Variants in GOLGA7 observed in about 807,000 individuals in gnomAD.
The protein encoded by GOLGA7 is golgin A7, also known as golgin subfamily A member 7.
GOLGA7 carries 10 observed loss-of-function variants against 21.1 expected under a neutral mutation model. That is an observed-to-expected ratio of 0.47 (90% CI 0.29 to 0.80). The LOEUF (loss-of-function observed/expected upper bound fraction) is 0.80, where lower values mean the gene tolerates loss of function less well. Among genes scored for constraint, GOLGA7 ranks in the 30% least tolerant of loss-of-function variants. The pLI is 0.08. For synonymous variants in GOLGA7, 64 were observed against 62.6 expected (o/e 1.02, Z -0.10); for missense variants, 114 against 166.8 (o/e 0.68, Z 1.74).
chr8:41,490,997 G>A (rs752984532), intron 1 of GOLGA7, 32 bp downstream of exon 1: 3 of 1,233,446 alleles, frequency 2.4e-6, no homozygotes, highest in South Asian at 2.6e-5. Flanking sequence ...GCCTGCTCTG[G>A]CGAGGGAGAG....
intron 1 of GOLGA7, among the ~76,000 whole-genome samples, chr8:41,495,654 G>GAA (rs763423574): frequency 1.5e-5 from 2 of 130,526 alleles, no homozygotes; most frequent in African/African-American, 5.7e-5. Flanking sequence ...CAGGAAAGGA[G>GAA]AAAAAAAAAA....
At chr8:41,504,401 C>T (rs1055098180) in intron 2 of GOLGA7, among the ~76,000 whole-genome samples, 16 of 152,000 alleles carry the variant, frequency 1.1e-4, no homozygotes, top group African/African-American at 3.6e-4. Context: ...GATTGAGAGG[C>T]CTTAGTTGGG....
Position 41,490,925 on chromosome 8 carries a change from G to A in GOLGA7, c.71G>A (p.Cys24Tyr). ...IQRDYSSGTR[C>Y]QFQTKFPAEL... The stretch of plus-strand genomic sequence containing the variant: ...CGAGACTACAGCAGTGGCACACGCT[G>A]CCAGTTCCAGACCAAGTTCCCTGCG... Residue 24 changes from cysteine to tyrosine, a missense_variant, in exon 1 of 5, where the codon TGC (cysteine) becomes TAC (tyrosine). Cys to Tyr is a radical substitution (Grantham distance 194). Transcript: ENST00000357743. 6.3e-7 allele frequency: 1 copy of A among 1,597,944 alleles called. No individual in the cohort carries two copies. Among genetic ancestry groups the A allele is most frequent in the Non-Finnish European group, 8.5e-7 (1 of 1,171,252 alleles).
intron 1 of GOLGA7, among the ~76,000 whole-genome samples, chr8:41,492,363 A>T (rs1805903325): frequency 6.6e-6 from 1 of 152,252 alleles, no homozygotes. Context: ...TTACATGTTA[A>T]GATTGACATG....
intron 2 of GOLGA7, among the ~76,000 whole-genome samples, chr8:41,504,222 C>A: frequency 6.6e-6 from 1 of 151,586 alleles, no homozygotes; most frequent in South Asian, 2.1e-4. Context: ...TTGCTCGTAA[C>A]CTGTACTCGG....
At chr8:41,508,189 G>A (rs17657196) in intron 4 of GOLGA7, among the ~76,000 whole-genome samples, 19,473 of 152,232 alleles carry the variant, frequency 0.13, 1,291 homozygotes, top group Non-Finnish European at 0.14. Context: ...ACTTGCAGCA[G>A]CAGGAACATG....
rs1806387729 is a variant in GOLGA7 at position 41,510,189 on chromosome 8, A to G, written c.*621A>G. 1 of 152,628 alleles carries G rather than the reference A, an allele frequency of 6.6e-6. No homozygotes were observed. Among genetic ancestry groups the G allele is most frequent in the South Asian group, 2.1e-4 (1 of 4,830 alleles). 9.5% of individuals were successfully genotyped at this position (152,628 alleles called of 1,614,324 possible). A position where few individuals can be genotyped will look rare whatever the true frequency, so the allele number is the denominator to read the frequency against. On this transcript the variant is annotated 3_prime_UTR_variant, in exon 5 of 5. Coordinates refer to ENST00000357743, the MANE Select transcript of GOLGA7 (RefSeq NM_001002296.2). Reference sequence around the variant, plus strand: ...AATGTATAATGTTATTTGTTTTATTATAGCAATTATGCCTAATTAAAGCAG... The same window carrying G: ...AATGTATAATGTTATTTGTTTTATTGTAGCAATTATGCCTAATTAAAGCAG...
intron 3 of GOLGA7, among the ~76,000 whole-genome samples, chr8:41,506,531 T>C (rs1806291141): frequency 6.6e-6 from 1 of 152,136 alleles, no homozygotes; most frequent in Non-Finnish European, 1.5e-5. Flanking sequence ...TAAATAAAAT[T>C]GCAAAAAACT....
intron 3 of GOLGA7, 53 bp downstream of exon 3, chr8:41,506,065 TGA>T: frequency 1.1e-6 from 1 of 917,002 alleles, no homozygotes; most frequent in South Asian, 1.5e-5. Flanking sequence ...AAGAAAATGT[TGA>T]TATTGTTTGG....
At chr8:41,498,692 A>T (rs574778654) in intron 2 of GOLGA7, among the ~76,000 whole-genome samples, 1 of 151,952 alleles carries the variant, frequency 6.6e-6, no homozygotes, top group South Asian at 2.1e-4. Flanking sequence ...CACTTGCCTC[A>T]CTCTTCTTTG....
intron 1 of GOLGA7, among the ~76,000 whole-genome samples, chr8:41,494,844 G>A (rs997665581): frequency 2.6e-5 from 4 of 152,000 alleles, no homozygotes; most frequent in Non-Finnish European, 5.9e-5. Flanking sequence ...TCCACACAAC[G>A]GACAAAACAA....
chr8:41,497,576 T>C lies in GOLGA7; in HGVS notation c.179T>C (p.Leu60Pro), dbSNP rs1227259863. ...AACCTTTATGCAGAAGCAGAGAAGC[T>C]CGGCGGCCAGTCATATCTCGAAGGT... ...LNNLYAEAEK[L>P]GGQSYLEGCL... Residue 60 changes from leucine to proline, a missense_variant, in exon 2 of 5, where the codon CTC becomes CCC. Leu to Pro is a moderately conservative substitution (Grantham distance 98, BLOSUM62 -3). Coordinates refer to ENST00000357743, the MANE Select transcript of GOLGA7 (RefSeq NM_001002296.2). 3.8e-6 allele frequency: 6 copies of C among 1,591,862 alleles called. No individual in the cohort carries two copies. Among genetic ancestry groups the C allele is most frequent in the Non-Finnish European group, 5.2e-6 (6 of 1,159,812 alleles).
At chr8:41,492,274 T>C (rs931337952) in intron 1 of GOLGA7, among the ~76,000 whole-genome samples, 1 of 152,218 alleles carries the variant, frequency 6.6e-6, no homozygotes, top group Non-Finnish European at 1.5e-5. Flanking sequence ...TTTGAAGAGG[T>C]AGAAATTCAG....
chr8:41,500,622 G>T (rs191534514), intron 2 of GOLGA7, among the ~76,000 whole-genome samples: 279 of 152,308 alleles, frequency 1.8e-3, no homozygotes, highest in African/African-American at 6.6e-3. Context: ...TAGAGACAGG[G>T]TCTCACTGTG....
At chr8:41,492,284 G>C (rs1326690045) in intron 1 of GOLGA7, among the ~76,000 whole-genome samples, 1 of 152,242 alleles carries the variant, frequency 6.6e-6, no homozygotes, top group Non-Finnish European at 1.5e-5. Flanking sequence ...TAGAAATTCA[G>C]CAAGTGGCCA....
chr8:41,496,970 G>T (rs1038257722), intron 1 of GOLGA7, among the ~76,000 whole-genome samples: 3 of 151,766 alleles, frequency 2.0e-5, no homozygotes, highest in Admixed American at 2.0e-4. Flanking sequence ...ACCATGCCCG[G>T]CTAATTTTTT....
chr8:41,490,965 G>C lies in GOLGA7; in HGVS notation c.111G>C (p.Arg37=). 1 of 1,529,144 alleles carries C rather than the reference G, an allele frequency of 6.5e-7. No individual in the cohort carries two copies. Among genetic ancestry groups the C allele is most frequent in the Middle Eastern group, 1.7e-4 (1 of 5,850 alleles). The allele number at this position is 1,529,144 out of a possible 1,614,324, so 94.7% of individuals were successfully genotyped here. Residue 37 remains arginine (R), a splice_region_variant and synonymous_variant, in exon 1 of 5, where the codon CGG becomes CGC. Coordinates refer to ENST00000357743, the MANE Select transcript of GOLGA7 (RefSeq NM_001002296.2). Reference sequence around the variant, plus strand: ...AGTTCCCTGCGGAGCTGGAGAACCGGGTACGCAACCTGGCTCCCCACGCCT... The same window carrying C: ...AGTTCCCTGCGGAGCTGGAGAACCGCGTACGCAACCTGGCTCCCCACGCCT... ...QTKFPAELEN[R]IDRQQFEETV...
At chr8:41,505,851 T>C in intron 2 of GOLGA7, 60 bp from the exon 3 acceptor site, 1 of 869,306 alleles carries the variant, frequency 1.2e-6, no homozygotes, top group Non-Finnish European at 1.9e-6. Flanking sequence ...GAGATCTCAC[T>C]AACACTTAAA....
intron 2 of GOLGA7, among the ~76,000 whole-genome samples, chr8:41,504,231 G>A (rs1257008365): frequency 1.3e-5 from 2 of 151,852 alleles, no homozygotes; most frequent in South Asian, 2.1e-4. Context: ...ACCTGTACTC[G>A]GAGAAAGGAG....
Sources: allele counts gnomAD v4.1 joint callset (sites outside exome capture counted in the v4.1 genomes callset), GRCh38; gene constraint gnomAD v4.1.1; transcripts MANE v1.5; gene names NCBI Gene and HGNC (gene_info 2026-07-23, HGNC 2026-07-21).